SMG5: variants seen among roughly 807,000 people sequenced by gnomAD.
SMG5 encodes nonsense-mediated mRNA decay factor SMG5.
In SMG5, 53 loss-of-function variants were observed where a neutral mutation model predicts 122.9. The observed-to-expected ratio is 0.43, with a 90% confidence interval of 0.35 to 0.54. The LOEUF is 0.54. SMG5 is among the 20% of genes least tolerant of loss of function. The pLI, the probability that SMG5 is intolerant of heterozygous loss-of-function variation, is 0.01. For synonymous variants in SMG5, 477 were observed against 490.2 expected (o/e 0.97, Z 0.35); for missense variants, 1,153 against 1,285.6 (o/e 0.90, Z 1.58).
At chr1:156,251,310 G>A in intron 20 of SMG5, 93 bp downstream of exon 20, 1 of 1,454,568 alleles carries the variant, frequency 6.9e-7, no homozygotes, top group South Asian at 1.1e-5. Context: ...TGGAGCCTCA[G>A]AATTATCCAG....
In SMG5 at chr1:156,277,842, C is replaced by T. The variant is rs1662752133; in HGVS notation, c.297+83G>A. On this transcript the variant is annotated intron_variant, in intron 3 of 21. Coordinates refer to ENST00000361813, the MANE Select transcript of SMG5 (RefSeq NM_015327.3). ...CTGCCATGTTTTCTTGGCTCCCCTA[C>T]CTCCAACCATGTTCTGCGCCCACTT... 5 of 1,574,520 alleles carry T rather than the reference C, an allele frequency of 3.2e-6. No individual in the cohort carries two copies. The East Asian group carries it at 6.8e-5, about 22-fold the overall frequency.
chr1:156,250,736 G>A, intron 21 of SMG5, 66 bp from the exon 22 acceptor site: 3 of 1,604,126 alleles, frequency 1.9e-6, no homozygotes, highest in Non-Finnish European at 1.7e-6. Flanking sequence ...AAATTGTTGA[G>A]GCGCTGGGGA....
upstream of SMG5, chr1:156,285,768 C>T (rs767659232): frequency 3.7e-6 from 6 of 1,613,320 alleles, no homozygotes; most frequent in East Asian, 6.7e-5. Context: ...GTGGTGAGGC[C>T]GCCTGGCTGT....
rs1663028436 is a variant in SMG5 at position 156,282,792 on chromosome 1, C to G, written c.-112G>C. 2 of 1,195,870 alleles carry G rather than the reference C, an allele frequency of 1.7e-6. No homozygotes were observed. The highest frequency in any genetic ancestry group is 2.8e-5 in the Admixed American group (1 of 35,728). The allele number at this position is 1,195,870 out of a possible 1,614,324, so 74.1% of individuals were successfully genotyped here. A position where few individuals can be genotyped will look rare whatever the true frequency, so the allele number is the denominator to read the frequency against. ...AGCCGCCGCCGCCACCGGCCCTGCT[C>G]GGCCGCCATCGCTGTGAGGCGGCTG... On this transcript the variant is annotated 5_prime_UTR_variant, in exon 1 of 22. Coordinates refer to ENST00000361813, the MANE Select transcript of SMG5 (RefSeq NM_015327.3).
chr1:156,265,991 G>T lies in SMG5; in HGVS notation c.1645C>A (p.Pro549Thr), dbSNP rs779846506. 3 of 1,614,228 alleles carry T rather than the reference G, an allele frequency of 1.9e-6. No individual in the cohort carries two copies. Among genetic ancestry groups the T allele is most frequent in the Admixed American group, 3.3e-5 (2 of 60,032 alleles). Residue 549 changes from proline (P) to threonine (T), a missense_variant, in exon 12 of 22, where the codon CCC (proline) becomes ACC (threonine). Around this residue, in one of 5 missense-constraint regions of SMG5, gnomAD observed 631 missense variants for 650.6 expected, o/e 0.97. Transcript: ENST00000361813. Reference protein sequence around the residue: ...LEPPRGRSEAPDSLNGPLGPS... With the variant: ...LEPPRGRSEATDSLNGPLGPS... ...CCCAGTGGGCCATTGAGGGAATCGG[G>T]AGCCTCTGATCTGCCCCGAGGGGGC...
chr1:156,271,128 A>C (rs980044770), intron 7 of SMG5, among the ~76,000 whole-genome samples: 10 of 152,234 alleles, frequency 6.6e-5, no homozygotes, highest in Admixed American at 3.9e-4. Flanking sequence ...ACTGATCTAG[A>C]TGAGAGGGAC....
At chr1:156,271,800 C>T (rs1476417707) in intron 7 of SMG5, among the ~76,000 whole-genome samples, 1 of 152,012 alleles carries the variant, frequency 6.6e-6, no homozygotes, top group Non-Finnish European at 1.5e-5. Context: ...ACCATGTTGG[C>T]CAGGCTGGTC....
chr1:156,267,821 T>A, intron 9 of SMG5, 143 bp from the exon 10 acceptor site: 1 of 768,024 alleles, frequency 1.3e-6, no homozygotes, highest in Non-Finnish European at 2.1e-6. Context: ...AGTGCTGGAT[T>A]GATCTCCATA....
intron 16 of SMG5, among the ~76,000 whole-genome samples, chr1:156,256,868 G>A (rs1048659423): frequency 4.0e-5 from 6 of 151,674 alleles, no homozygotes; most frequent in Admixed American, 2.0e-4. Context: ...CTCTACCACC[G>A]ACTATACTTT....
intron 15 of SMG5, 75 bp from the exon 16 acceptor site, chr1:156,259,238 C>A: frequency 7.2e-7 from 1 of 1,389,680 alleles, no homozygotes; most frequent in African/African-American, 1.5e-5. Flanking sequence ...GGACCCTCCA[C>A]TCCCACCCTC....
Position 156,268,271 on chromosome 1 carries a change from C to T in SMG5, c.839+19G>A, listed in dbSNP as rs1662249138. On this transcript the variant is annotated intron_variant, in intron 8 of 21. Coordinates refer to ENST00000361813, the MANE Select transcript of SMG5 (RefSeq NM_015327.3). ...ACCAACTGCAGAAAAAACCCGTCCT[C>T]CTCACAGGCCCCACTCACCGCTTTT... 1 of 1,614,038 alleles carries T rather than the reference C, an allele frequency of 6.2e-7. No homozygotes were observed. Among genetic ancestry groups the T allele is most frequent in the African/African-American group, 1.3e-5 (1 of 74,920 alleles).
chr1:156,291,500 G>A, the SMG5 span: 24 of 1,612,514 alleles, frequency 1.5e-5, no homozygotes, highest in Admixed American at 3.3e-5. Flanking sequence ...CATGTTCGTG[G>A]TGGAGCCGGA....
At chr1:156,270,252 G>A (rs762114549) in intron 7 of SMG5, among the ~76,000 whole-genome samples, 7 of 152,162 alleles carry the variant, frequency 4.6e-5, no homozygotes, top group Non-Finnish European at 8.8e-5. Flanking sequence ...AGGGGGCTGC[G>A]GGAGGAAGGG....
Sources: allele counts gnomAD v4.1 joint callset (sites outside exome capture counted in the v4.1 genomes callset), GRCh38; gene constraint gnomAD v4.1.1; regional missense constraint gnomAD v4.1.1; transcripts MANE v1.5; gene names NCBI Gene and HGNC (gene_info 2026-07-23, HGNC 2026-07-21).